Variants in NDRG4 observed in about 807,000 individuals in gnomAD.
The protein encoded by NDRG4 is protein NDRG4.
In NDRG4, 38 loss-of-function variants were observed where a neutral mutation model predicts 55.8. The observed-to-expected ratio is 0.68, with a 90% confidence interval of 0.53 to 0.89. The LOEUF (loss-of-function observed/expected upper bound fraction) is 0.89. Ranked by LOEUF, NDRG4 falls within the 40% of genes least tolerant of loss-of-function variation. NDRG4 has a pLI of 0.00. For missense variants in NDRG4, 455 were observed against 468.6 expected, an observed-to-expected ratio of 0.97 and a Z score of 0.27; for synonymous variants, 190 against 182.7, an observed-to-expected ratio of 1.04 and a Z score of -0.32.
At chr16:58,507,401 C>T (rs2038181913) in intron 8 of NDRG4, 1 of 361,558 alleles carries the variant, frequency 2.8e-6, no homozygotes, top group Non-Finnish European at 5.0e-6. Context: ...GGCTGCCCTG[C>T]CCTGCAGGAA....
At chr16:58,482,469 G>T (rs1329553892) in intron 1 of NDRG4, among the ~76,000 whole-genome samples, 3 of 151,992 alleles carry the variant, frequency 2.0e-5, no homozygotes, top group African/African-American at 7.3e-5. Flanking sequence ...TGCAGCTGTG[G>T]GGGGTAGAGT....
At chr16:58,495,548 C>T (rs921898404), upstream of NDRG4, 3 of 154,194 alleles carry the variant, frequency 1.9e-5, no homozygotes, top group Non-Finnish European at 4.3e-5. Context: ...CAGACCCTTC[C>T]TCCTGGTAAG....
At chr16:58,492,600 G>C (rs2151718873) in intron 2 of NDRG4, among the ~76,000 whole-genome samples, 1 of 151,074 alleles carries the variant, frequency 6.6e-6, no homozygotes, top group South Asian at 2.1e-4. Context: ...GGAGTGTAGT[G>C]CCACAATCTT....
rs2031180280 is a variant in NDRG4, at chr16:58,464,488, A to T, written c.-24+691A>T. On this transcript the variant is annotated intron_variant, in intron 1 of 15. Transcript: ENST00000258187. This position sits in a 1 kb window ranked among gnomAD's most constrained non-coding sequence, Gnocchi z 4.8. ...CACAGGTACCGCCCGCCTGCCCCGCAGCCGGCCGCCACTTTCCGAGTTGGA... is the reference window on the plus strand; with the variant it reads ...CACAGGTACCGCCCGCCTGCCCCGCTGCCGGCCGCCACTTTCCGAGTTGGA... 1 of 1,310,442 alleles carries T rather than the reference A, an allele frequency of 7.6e-7. No individual in the cohort carries two copies. The highest frequency in any genetic ancestry group is 9.7e-7 in the Non-Finnish European group (1 of 1,028,612). 81.2% of individuals were successfully genotyped at this position (1,310,442 alleles called of 1,614,324 possible). A position where few individuals can be genotyped will look rare whatever the true frequency, so the allele number is the denominator to read the frequency against.
intron 8 of NDRG4, chr16:58,507,391 G>A: frequency 2.7e-6 from 1 of 369,618 alleles, no homozygotes. Flanking sequence ...CCCCTTTAGG[G>A]GCTGCCCTGC....
intron 13 of NDRG4, among the ~76,000 whole-genome samples, chr16:58,510,048 C>G (rs1003294465): frequency 6.6e-6 from 1 of 152,178 alleles, no homozygotes; most frequent in African/African-American, 2.4e-5. Flanking sequence ...AGGCAAACTT[C>G]CTCTTCTCAG....
chr16:58,474,184 GCACCACA>G (rs1246497335), intron 1 of NDRG4, among the ~76,000 whole-genome samples: 2 of 151,792 alleles, frequency 1.3e-5, no homozygotes, highest in African/African-American at 4.8e-5. Context: ...TTACAGGTGT[GCACCACA>G]CACCACACAC....
intron 2 of NDRG4, among the ~76,000 whole-genome samples, chr16:58,489,469 T>A (rs2035516193): frequency 6.6e-6 from 1 of 151,578 alleles, no homozygotes; most frequent in Non-Finnish European, 1.5e-5. Context: ...GCCCAGAAAT[T>A]TGCAGGGCTG....
intron 1 of NDRG4, among the ~76,000 whole-genome samples, chr16:58,478,697 GTTTT>G (rs59525801): frequency 1.5e-5 from 2 of 137,756 alleles, no homozygotes; most frequent in Non-Finnish European, 3.1e-5. Context: ...TTTGTTTTTT[GTTTT>G]TTTTTTTTGT....
chr16:58,484,710 A>T (rs2034867928), intron 1 of NDRG4, among the ~76,000 whole-genome samples: 1 of 152,152 alleles, frequency 6.6e-6, no homozygotes, highest in African/African-American at 2.4e-5. Flanking sequence ...AGAGATCAAG[A>T]AGTGGAAAAG....
intron 1 of NDRG4, among the ~76,000 whole-genome samples, chr16:58,478,346 G>A (rs898956518): frequency 1.1e-4 from 16 of 151,220 alleles, no homozygotes; most frequent in East Asian, 3.9e-4. Context: ...CCGAGATCGC[G>A]CCATTGCACT....
Position 58,504,194 on chromosome 16 carries a change from G to A in NDRG4, c.168G>A (p.Met56Ile), listed in dbSNP as rs2037538265. Reference protein sequence around the residue: ...CFNTFFNFEDMQEITKHFVVC... With the variant: ...CFNTFFNFEDIQEITKHFVVC... ...ACACCTTCTTCAACTTCGAGGACAT[G>A]CAGGAGATCACCAAGCACTTTGTGG... is the stretch of plus-strand genomic sequence containing the variant. Residue 56 changes from methionine (M) to isoleucine (I), a missense_variant, in exon 3 of 15, where the codon ATG becomes ATA. Met to Ile is a conservative substitution (Grantham distance 10). Coordinates refer to ENST00000570248, the MANE Select transcript of NDRG4 (RefSeq NM_001242835.2). 5.6e-6 allele frequency: 9 copies of A among 1,614,226 alleles called. No individual in the cohort carries two copies. The highest frequency in any genetic ancestry group is 7.6e-6 in the Non-Finnish European group (9 of 1,180,042).
chr16:58,495,131 C>T lies in NDRG4; in HGVS notation c.117+123C>T, dbSNP rs575309933. 42 of 957,450 alleles carry T rather than the reference C, an allele frequency of 4.4e-5. No homozygotes were observed. The African/African-American group carries it at 6.0e-4, about 14-fold the overall frequency. The allele number at this position is 957,450 out of a possible 1,614,324, so 59.3% of individuals were successfully genotyped here. On this transcript the variant is annotated intron_variant, in intron 3 of 15. Coordinates refer to the NDRG4 transcript ENST00000258187. ...GTGCCCCCTGCCTAACAGAGAGATGCTGGGGTGGGAGATGAACTGGCCCTG... is the reference window on the plus strand; with the variant it reads ...GTGCCCCCTGCCTAACAGAGAGATGTTGGGGTGGGAGATGAACTGGCCCTG...
chr16:58,515,037 C>A (rs1169544944), downstream of NDRG4, among the ~76,000 whole-genome samples: 2 of 152,194 alleles, frequency 1.3e-5, no homozygotes, highest in African/African-American at 4.8e-5. Context: ...TATTCTAGAT[C>A]CAGGAGCCCT....
At chr16:58,484,910 T>A (rs1268473919) in intron 1 of NDRG4, among the ~76,000 whole-genome samples, 7 of 145,532 alleles carry the variant, frequency 4.8e-5, no homozygotes, top group African/African-American at 1.8e-4. Context: ...TTTGATGGAG[T>A]CTCGCTTTGT....
At chr16:58,501,793 G>A (rs979935107) in intron 1 of NDRG4, 2 of 351,042 alleles carry the variant, frequency 5.7e-6, no homozygotes, top group African/African-American at 2.1e-5. Flanking sequence ...CCACACCAGG[G>A]CTGGGAGAAG....
At position 58,512,552 on chromosome 16, in the gene NDRG4, G is replaced by A. The variant is rs1243555117; in HGVS notation, c.*976G>A. 3 of 182,204 alleles carry A rather than the reference G, an allele frequency of 1.6e-5. No homozygotes were observed. Among genetic ancestry groups the A allele is most frequent in the Non-Finnish European group, 3.5e-5 (3 of 85,694 alleles). The allele number at this position is 182,204 out of a possible 1,614,324, so 11.3% of individuals were successfully genotyped here. A position where few individuals can be genotyped will look rare whatever the true frequency, so the allele number is the denominator to read the frequency against. On this transcript the variant is annotated 3_prime_UTR_variant, in exon 15 of 15. Coordinates refer to ENST00000570248, the MANE Select transcript of NDRG4 (RefSeq NM_001242835.2). ...TGGCCAGGCTGTGCCAGTGTGTCCC[G>A]GACGCATCACTAAGGAAGAGAGAGT...
rs573575080 is a variant in NDRG4 at position 58,507,234 on chromosome 16, T to C, written c.620+219T>C. 8.8e-6 allele frequency: 5 copies of C among 565,388 alleles called. No individual in the cohort carries two copies. In the African/African-American group the frequency reaches 9.4e-5, roughly 11 times the overall value. The allele number at this position is 565,388 out of a possible 1,614,324, so 35.0% of individuals were successfully genotyped here. On this transcript the variant is annotated intron_variant, in intron 8 of 14. Coordinates refer to ENST00000570248, the MANE Select transcript of NDRG4 (RefSeq NM_001242835.2). ...TCCGGGCCTTGGGCTCTTCCACTTT[T>C]CCTCCTCCCCTGGGGGCTTCCCGCT... is the stretch of plus-strand genomic sequence containing the variant.
At chr16:58,467,463 C>T (rs892106989) in intron 1 of NDRG4, among the ~76,000 whole-genome samples, 2 of 152,130 alleles carry the variant, frequency 1.3e-5, no homozygotes, top group African/African-American at 2.4e-5. Context: ...GCCAAGATTG[C>T]ACCACTGCAG....
Sources: allele counts gnomAD v4.1 joint callset (sites outside exome capture counted in the v4.1 genomes callset), GRCh38; gene constraint gnomAD v4.1.1; non-coding constraint Gnocchi (gnomAD v3.1); transcripts MANE v1.5; gene names NCBI Gene and HGNC (gene_info 2026-07-23, HGNC 2026-07-21).